TGS1: variants seen among roughly 807,000 people sequenced by gnomAD.
The protein encoded by TGS1 is trimethylguanosine synthase 1, also known as trimethylguanosine synthase.
In TGS1, 69 loss-of-function variants were observed where a neutral mutation model predicts 92.2. That is an observed-to-expected ratio of 0.75 (90% confidence interval 0.62 to 0.91). TGS1 has a LOEUF of 0.91. Ranked by LOEUF, TGS1 falls within the 40% of genes least tolerant of loss-of-function variation. TGS1 has a pLI of 0.00. For missense variants in TGS1, 1,062 were observed against 1,001.2 expected (o/e 1.06, Z -0.82); for synonymous variants, 345 against 338.1 (o/e 1.02, Z -0.22).
intron 5 of TGS1, among the ~76,000 whole-genome samples, chr8:55,791,814 C>T (rs1811892744): frequency 6.6e-6 from 1 of 152,086 alleles, no homozygotes; most frequent in Non-Finnish European, 1.5e-5. Flanking sequence ...AAGGTTTATA[C>T]ACTTGTACAC....
At chr8:55,807,210 G>A (rs761587250) in intron 10 of TGS1, among the ~76,000 whole-genome samples, 1 of 152,094 alleles carries the variant, frequency 6.6e-6, no homozygotes, top group Non-Finnish European at 1.5e-5. Flanking sequence ...TTACAGGCGT[G>A]AGCCACCACG....
intron 9 of TGS1, among the ~76,000 whole-genome samples, chr8:55,803,629 A>T (rs535705463): frequency 6.6e-6 from 1 of 152,050 alleles, no homozygotes; most frequent in African/African-American, 2.4e-5. Flanking sequence ...GACAACAGGA[A>T]AATTAACGCA....
chr8:55,791,066 G>A (rs1347895684), intron 5 of TGS1, among the ~76,000 whole-genome samples: 1 of 152,006 alleles, frequency 6.6e-6, no homozygotes, highest in Non-Finnish European at 1.5e-5. Context: ...TCAAGGTCAT[G>A]CTCTCATTGT....
At chr8:55,809,074 T>G (rs1428720325) in intron 10 of TGS1, among the ~76,000 whole-genome samples, 1 of 152,228 alleles carries the variant, frequency 6.6e-6, no homozygotes, top group Non-Finnish European at 1.5e-5. Context: ...ATATACACAT[T>G]CATATAATCA....
intron 8 of TGS1, among the ~76,000 whole-genome samples, chr8:55,802,133 G>T (rs1812234536): frequency 1.3e-5 from 2 of 152,184 alleles, no homozygotes; most frequent in South Asian, 4.1e-4. Context: ...GGCGGAGCTT[G>T]CAGTGAGCCA....
intron 1 of TGS1, among the ~76,000 whole-genome samples, chr8:55,777,936 C>A (rs1463961833): frequency 7.9e-5 from 12 of 151,902 alleles, no homozygotes; most frequent in Non-Finnish European, 1.5e-5. Flanking sequence ...CTTCTAGCAG[C>A]CCCCTGAGGT....
intron 8 of TGS1, among the ~76,000 whole-genome samples, chr8:55,801,912 A>G (rs921117110): frequency 6.6e-6 from 1 of 151,888 alleles, no homozygotes. Context: ...ATTGGAGTTT[A>G]GGCCAGGCAC....
intron 3 of TGS1, 100 bp downstream of exon 3, chr8:55,785,991 C>T (rs572008444): frequency 3.2e-5 from 29 of 902,752 alleles, no homozygotes; most frequent in South Asian, 2.5e-4. Context: ...TCACGATCAG[C>T]GCTCTCTACC....
At chr8:55,790,970 C>CTT (rs967639135) in intron 5 of TGS1, among the ~76,000 whole-genome samples, 1 of 134,418 alleles carries the variant, frequency 7.4e-6, no homozygotes, top group African/African-American at 2.9e-5. Context: ...CATATCTTCT[C>CTT]TCTCTCTCTC....
rs1389016591 is a variant in TGS1 at position 55,826,103 on chromosome 8, G to A, written c.*1400G>A. On this transcript the variant is annotated 3_prime_UTR_variant, in exon 13 of 13. Transcript: ENST00000260129. ...CTGACCTTGTGATCCAACCACCTCA[G>A]CCTCCCGTAGTTCTGGGATTACAGG... is the stretch of plus-strand genomic sequence containing the variant. Among the ~76,000 whole-genome samples, 1 of 152,064 alleles carries A rather than the reference G, an allele frequency of 6.6e-6. No homozygotes were observed. Among genetic ancestry groups the A allele is most frequent in the Non-Finnish European group, 1.5e-5 (1 of 68,032 alleles).
chr8:55,815,806 C>T (rs1452852528), intron 12 of TGS1, among the ~76,000 whole-genome samples: 5 of 151,966 alleles, frequency 3.3e-5, no homozygotes, highest in African/African-American at 4.8e-5. Flanking sequence ...CCAAGACATG[C>T]ATTTCTTGCT....
chr8:55,793,880 A>G (rs537884626), intron 6 of TGS1, among the ~76,000 whole-genome samples: 1 of 151,954 alleles, frequency 6.6e-6, no homozygotes, highest in East Asian at 1.9e-4. Flanking sequence ...GGCCTCCCAA[A>G]GTGCTGGGAT....
At chr8:55,803,985 A>C (rs1004867685) in intron 9 of TGS1, among the ~76,000 whole-genome samples, 8 of 152,076 alleles carry the variant, frequency 5.3e-5, no homozygotes, top group Non-Finnish European at 1.0e-4. Flanking sequence ...AAAAATGTAA[A>C]TTTTTTCTAC....
At chr8:55,818,056 G>A (rs917471525) in intron 12 of TGS1, among the ~76,000 whole-genome samples, 42 of 152,156 alleles carry the variant, frequency 2.8e-4, no homozygotes, top group Admixed American at 2.5e-3. Context: ...GCCACACAGC[G>A]ACAGTCTTAT....
At chr8:55,785,624 C>A in intron 2 of TGS1, 95 bp from the exon 3 acceptor site, 1 of 850,010 alleles carries the variant, frequency 1.2e-6, no homozygotes, top group Non-Finnish European at 1.7e-6. Context: ...TTATTTTGGG[C>A]GGGTCACTCT....
intron 10 of TGS1, among the ~76,000 whole-genome samples, chr8:55,806,378 GACAA>G (rs1812373455): frequency 9.7e-6 from 1 of 103,496 alleles, no homozygotes; most frequent in Non-Finnish European, 2.0e-5. Context: ...AAAAAAAAAA[GACAA>G]AAGAAAAAAA....
chr8:55,801,785 C>T (rs1812223563), intron 8 of TGS1, among the ~76,000 whole-genome samples: 1 of 151,592 alleles, frequency 6.6e-6, no homozygotes, highest in African/African-American at 2.4e-5. Flanking sequence ...GATGGGATTT[C>T]ACCATGTTGG....
In TGS1 at chr8:55,826,414, T is replaced by C. The variant is rs969985707; in HGVS notation, c.*1711T>C. Among the ~76,000 whole-genome samples, 5 of 152,272 alleles carry C rather than the reference T, an allele frequency of 3.3e-5. No individual in the cohort carries two copies. The highest frequency in any genetic ancestry group is 1.2e-4 in the African/African-American group (5 of 41,546). On this transcript the variant is annotated 3_prime_UTR_variant, in exon 13 of 13. Transcript: ENST00000260129. ...ACTAATCACACAGGGATAAAACTAA[T>C]AGACTGTTAAGATTGTCAGTACTCA...
intron 5 of TGS1, among the ~76,000 whole-genome samples, chr8:55,790,583 C>A (rs1479411538): frequency 6.6e-6 from 1 of 151,184 alleles, no homozygotes; most frequent in East Asian, 1.9e-4. Flanking sequence ...TCACTATGAT[C>A]TTGAACTCCT....
Sources: allele counts gnomAD v4.1 joint callset (sites outside exome capture counted in the v4.1 genomes callset), GRCh38; gene constraint gnomAD v4.1.1; transcripts MANE v1.5; gene names NCBI Gene and HGNC (gene_info 2026-07-23, HGNC 2026-07-21).